CASK: variants seen among roughly 807,000 people sequenced by gnomAD.
CASK encodes peripheral plasma membrane protein CASK.
CASK carries 4 observed loss-of-function variants against 82.9 expected under a neutral mutation model. The observed-to-expected ratio is 0.05, with a 90% confidence interval of 0.02 to 0.11. CASK has a LOEUF of 0.11. Among genes scored for constraint, CASK ranks in the 10% least tolerant of loss-of-function variants. CASK has a pLI of 1.00. For missense variants in CASK, 358 were observed against 720.9 expected, an observed-to-expected ratio of 0.50 and a Z score of 5.76; for synonymous variants, 259 against 253.5, an observed-to-expected ratio of 1.02 and a Z score of -0.20.
At chrX:41,682,055 TA>T (rs35914567) in intron 5 of CASK, among the ~76,000 whole-genome samples, 7,555 of 67,704 alleles carry the variant, frequency 0.11, 337 homozygotes, top group Non-Finnish European at 0.13. Flanking sequence ...AGGACCATTG[TA>T]AAAAAAAAAA....
At position 41,741,165 on chromosome X, in the gene CASK, G is replaced by T. The variant is rs748947807; in HGVS notation, c.357-1709C>A. Among the ~76,000 whole-genome samples, 8 of 111,783 alleles carry T rather than the reference G, an allele frequency of 7.2e-5. No homozygotes were observed. In the South Asian group the frequency reaches 1.1e-3, roughly 16 times the overall value. On this transcript the variant is annotated intron_variant, in intron 4 of 26. Coordinates refer to ENST00000378163, the MANE Select transcript of CASK (RefSeq NM_001367721.1). ...CCCAAAGTGCTGGGATTACAGGCAT[G>T]AGCCACCACGCCTGGCCATAAGTTT...
intron 3 of CASK, among the ~76,000 whole-genome samples, chrX:41,765,440 A>C (rs934575719): frequency 8.9e-6 from 1 of 112,197 alleles, no homozygotes; most frequent in Non-Finnish European, 1.9e-5. Context: ...TAACGTATGC[A>C]CAAGGTTATT....
intron 1 of CASK, among the ~76,000 whole-genome samples, chrX:41,865,735 TG>T (rs765190674): frequency 4.5e-5 from 5 of 111,738 alleles, no homozygotes; most frequent in African/African-American, 1.6e-4. Context: ...ACTACTTTTG[TG>T]GGCTTCAGTT....
chrX:41,793,610 A>G (rs1035467333), intron 2 of CASK, among the ~76,000 whole-genome samples: 2 of 112,247 alleles, frequency 1.8e-5, no homozygotes, highest in African/African-American at 6.5e-5. Flanking sequence ...TCAACAGTTA[A>G]ACAAAATTCG....
At chrX:41,917,667 C>T (rs1192053361) in intron 1 of CASK, among the ~76,000 whole-genome samples, 5 of 111,731 alleles carry the variant, frequency 4.5e-5, no homozygotes, top group South Asian at 3.7e-4. Context: ...AAGCGTGTTA[C>T]GGACATAAAA....
At chrX:41,774,538 A>G (rs2069311843) in intron 3 of CASK, among the ~76,000 whole-genome samples, 1 of 111,271 alleles carries the variant, frequency 9.0e-6, no homozygotes. Flanking sequence ...AAACTACTTT[A>G]AAGTTCATAT....
intron 12 of CASK, among the ~76,000 whole-genome samples, chrX:41,601,464 CT>C (rs959532786): frequency 8.9e-6 from 1 of 111,874 alleles, no homozygotes; most frequent in Non-Finnish European, 1.9e-5. Context: ...ACAATTTGGA[CT>C]TCTTCCATAA....
intron 12 of CASK, among the ~76,000 whole-genome samples, chrX:41,605,926 G>T (rs754961690): frequency 1.9e-4 from 21 of 111,214 alleles, no homozygotes; most frequent in Non-Finnish European, 3.6e-4. Context: ...TGATCCTCCC[G>T]CCTCGGCCTC....
chrX:41,604,843 C>G (rs1050543027), intron 12 of CASK, among the ~76,000 whole-genome samples: 1 of 112,238 alleles, frequency 8.9e-6, no homozygotes, highest in Non-Finnish European at 1.9e-5. Context: ...ACTTGGATAG[C>G]AAATATTTAG....
In CASK at chrX:41,564,495, G is replaced by C. The variant is rs995445324; in HGVS notation, c.1583-2851C>G. 8.1e-5 allele frequency among the ~76,000 whole-genome samples: 9 copies of C among 111,784 alleles called. No homozygotes were observed. The East Asian group carries it at 2.2e-3, about 28-fold the overall frequency. On this transcript the variant is annotated intron_variant, in intron 16 of 26. Coordinates refer to ENST00000378163, the MANE Select transcript of CASK (RefSeq NM_001367721.1). ...CCACCTCAGCTTCCTGAGTAGCTGG[G>C]ACTATAGGTGAGCGCCACCATGCCC...
intron 2 of CASK, among the ~76,000 whole-genome samples, chrX:41,847,847 C>G (rs755991410): frequency 5.4e-5 from 6 of 111,557 alleles, no homozygotes; most frequent in Non-Finnish European, 9.4e-5. Context: ...TAGGGCATAC[C>G]TTCAACACTC....
chrX:41,794,626 C>G (rs745593949), intron 2 of CASK, among the ~76,000 whole-genome samples: 1 of 111,975 alleles, frequency 8.9e-6, no homozygotes, highest in East Asian at 2.8e-4. Flanking sequence ...AAAAATCATA[C>G]ATGTTAGAGC....
At position 41,609,969 on chromosome X, in the gene CASK, T is replaced by C. The variant is rs759161435; in HGVS notation, c.1090A>G (p.Ser364Gly). Residue 364 changes from serine (S) to glycine (G), a missense_variant, in exon 12 of 27, where the codon AGT (serine) becomes GGT (glycine). By Grantham distance (56) the Ser-to-Gly change is moderately conservative. Around this residue, in one of 5 missense-constraint regions of CASK, gnomAD observed 110 missense variants for 218.8 expected, o/e 0.50. Transcript: ENST00000378163. ...TGTAGAAAATCTAGGTCCTTTTCAC[T>C]GCAGTCTGTAAGCGCATGAATCTCT... Reference protein sequence around the residue: ...LEEIHALTDCSEKDLDFLHSV... With the variant: ...LEEIHALTDCGEKDLDFLHSV... 30 of 1,206,943 alleles carry C rather than the reference T, an allele frequency of 2.5e-5. No homozygotes were observed. Among genetic ancestry groups the C allele is most frequent in the Non-Finnish European group, 3.1e-5 (28 of 892,190 alleles).
chrX:41,731,088 G>T (rs1385486093), intron 5 of CASK, among the ~76,000 whole-genome samples: 1 of 112,157 alleles, frequency 8.9e-6, no homozygotes, highest in Non-Finnish European at 1.9e-5. Flanking sequence ...AAGCTATACT[G>T]CATGTAATAA....
At chrX:41,575,741 C>T (rs2065475867) in intron 15 of CASK, among the ~76,000 whole-genome samples, 1 of 111,124 alleles carries the variant, frequency 9.0e-6, no homozygotes, top group South Asian at 3.8e-4. Context: ...TAGAGATTGA[C>T]ACTCTATTAT....
chrX:41,592,716 G>T (rs1239797704), intron 12 of CASK, among the ~76,000 whole-genome samples: 3 of 111,370 alleles, frequency 2.7e-5, no homozygotes, highest in Non-Finnish European at 3.8e-5. Context: ...AGTACTAATA[G>T]TACTACTACT....
At chrX:41,545,916 G>C (rs1324785090) in intron 21 of CASK, among the ~76,000 whole-genome samples, 4 of 109,115 alleles carry the variant, frequency 3.7e-5, no homozygotes, top group African/African-American at 1.3e-4. Context: ...TGACCTCCTG[G>C]GTGCAAGTGA....
At chrX:41,907,837 G>C (rs975936494) in intron 1 of CASK, among the ~76,000 whole-genome samples, 2 of 111,319 alleles carry the variant, frequency 1.8e-5, no homozygotes, top group African/African-American at 6.5e-5. Context: ...TGGGGGTAGG[G>C]GGTTCGGGAT....
chrX:41,519,963 GGAAA>G lies in CASK; in HGVS notation c.*453_*456del, dbSNP rs1569280359. 1 of 110,311 alleles carries G rather than the reference GGAAA, an allele frequency of 9.1e-6. No homozygotes were observed. The highest frequency in any genetic ancestry group is 3.3e-5 in the African/African-American group (1 of 30,102). 9.1% of individuals were successfully genotyped at this position (110,311 alleles called of 1,213,427 possible). ...ACACTAATTATTTCAAATAAATAAA[GGAAA>G]GAAAGATATCCCAATATTCCAATCC... On this transcript the variant is annotated 3_prime_UTR_variant, in exon 27 of 27. Coordinates refer to ENST00000378163, the MANE Select transcript of CASK (RefSeq NM_001367721.1).
Sources: allele counts gnomAD v4.1 joint callset (sites outside exome capture counted in the v4.1 genomes callset), GRCh38; gene constraint gnomAD v4.1.1; regional missense constraint gnomAD v4.1.1; transcripts MANE v1.5; gene names NCBI Gene and HGNC (gene_info 2026-07-23, HGNC 2026-07-21).